PTPRT: variants seen among roughly 807,000 people sequenced by gnomAD.
The protein encoded by PTPRT is protein tyrosine phosphatase receptor type T, also known as receptor-type tyrosine-protein phosphatase T.
A neutral mutation model predicts 176.8 loss-of-function variants in PTPRT; 56 were observed. That is an observed-to-expected ratio of 0.32 (90% CI 0.26 to 0.40). PTPRT has a LOEUF of 0.40. Among genes scored for constraint, PTPRT ranks in the 10% least tolerant of loss-of-function variants. PTPRT has a pLI of 1.00. For missense variants in PTPRT, 1,540 were observed against 1,908.2 expected, an observed-to-expected ratio of 0.81 and a Z score of 3.60; for synonymous variants, 783 against 739.0, an observed-to-expected ratio of 1.06 and a Z score of -0.96.
chr20:43,141,569 C>T (rs186747232), intron 1 of PTPRT, among the ~76,000 whole-genome samples: 3 of 152,240 alleles, frequency 2.0e-5, no homozygotes, highest in Admixed American at 6.5e-5. Flanking sequence ...TTGGCCAAAA[C>T]GAGCCACGTG....
At chr20:42,785,362 T>A (rs752265451) in intron 3 of PTPRT, among the ~76,000 whole-genome samples, 3 of 152,208 alleles carry the variant, frequency 2.0e-5, no homozygotes, top group Non-Finnish European at 4.4e-5. Flanking sequence ...ACATAAACCA[T>A]CAGCTCCGAA....
At chr20:42,260,447 G>A (rs1436750436) in intron 13 of PTPRT, among the ~76,000 whole-genome samples, 1 of 152,246 alleles carries the variant, frequency 6.6e-6, no homozygotes, top group Non-Finnish European at 1.5e-5. Context: ...TAAGGGTTTA[G>A]TCTGAAGAAC....
At position 42,399,101 on chromosome 20, in the gene PTPRT, G is replaced by A. The variant is rs2058879431; in HGVS notation, c.1561-46816C>T. Among the ~76,000 whole-genome samples the A allele has an allele frequency of 6.6e-5, 10 of 152,342 alleles. 1 individual carries two copies. In the South Asian group the frequency reaches 1.9e-3, roughly 28 times the overall value. On this transcript the variant is annotated intron_variant, in intron 9 of 30. Coordinates refer to ENST00000373187, the MANE Select transcript of PTPRT (RefSeq NM_007050.6). ...AAGGCGTTTGAAAACCTCATTTCTA[G>A]ACTTGCACATCATCACTTCTACCAC...
intron 27 of PTPRT, among the ~76,000 whole-genome samples, chr20:42,090,953 T>C (rs1053647377): frequency 6.6e-6 from 1 of 152,232 alleles, no homozygotes. Flanking sequence ...TACTCTCTCC[T>C]ACCCTTTCTT....
At chr20:42,132,352 G>A (rs2146376976) in intron 18 of PTPRT, among the ~76,000 whole-genome samples, 1 of 152,274 alleles carries the variant, frequency 6.6e-6, no homozygotes, top group Non-Finnish European at 1.5e-5. Context: ...AAACATAGGT[G>A]TGAAAAGTGC....
intron 1 of PTPRT, chr20:42,968,831 C>T (rs1982455304): frequency 6.6e-6 from 1 of 152,288 alleles, no homozygotes; most frequent in African/African-American, 2.4e-5. Context: ...TCTGTCATCA[C>T]AAGCCTTCTG....
intron 12 of PTPRT, among the ~76,000 whole-genome samples, chr20:42,309,759 A>G (rs753010219): frequency 3.3e-5 from 5 of 152,204 alleles, no homozygotes; most frequent in Non-Finnish European, 2.9e-5. Context: ...GGTGTCTATT[A>G]TGTGTTAAAT....
At chr20:42,780,431 C>T in intron 3 of PTPRT, 132 bp from the exon 4 acceptor site, 1 of 623,352 alleles carries the variant, frequency 1.6e-6, no homozygotes, top group Non-Finnish European at 2.9e-6. Context: ...TCTGTTAAGA[C>T]AGCACGCTAC....
intron 7 of PTPRT, among the ~76,000 whole-genome samples, chr20:42,665,072 T>C (rs1282012556): frequency 6.6e-6 from 1 of 151,954 alleles, no homozygotes; most frequent in Admixed American, 6.6e-5. Context: ...CCAAAAGCAA[T>C]GGCAACAAAA....
At chr20:43,077,462 T>C (rs917016115) in intron 1 of PTPRT, among the ~76,000 whole-genome samples, 2 of 152,086 alleles carry the variant, frequency 1.3e-5, no homozygotes, top group African/African-American at 4.8e-5. Flanking sequence ...GCGGTGTGGA[T>C]CAAAATTTTG....
intron 1 of PTPRT, among the ~76,000 whole-genome samples, chr20:43,187,197 A>T (rs1017816114): frequency 5.2e-4 from 79 of 152,218 alleles, no homozygotes; most frequent in African/African-American, 1.8e-3. Context: ...TATGTTATGG[A>T]TGTAACCTTA....
chr20:42,200,692 A>C (rs1991413438), intron 15 of PTPRT, among the ~76,000 whole-genome samples: 1 of 152,216 alleles, frequency 6.6e-6, no homozygotes, highest in Non-Finnish European at 1.5e-5. Flanking sequence ...TATTTCGAAA[A>C]AGCGAACATG....
intron 7 of PTPRT, among the ~76,000 whole-genome samples, chr20:42,658,842 T>C (rs1483651095): frequency 6.6e-6 from 1 of 152,182 alleles, no homozygotes; most frequent in Non-Finnish European, 1.5e-5. Flanking sequence ...TTTATTGAAG[T>C]AAAAAGGTAC....
chr20:42,879,107 T>C (rs1466137664), intron 2 of PTPRT, among the ~76,000 whole-genome samples: 1 of 152,134 alleles, frequency 6.6e-6, no homozygotes, highest in Non-Finnish European at 1.5e-5. Context: ...AAAGGTAACC[T>C]GGGTAGGTGA....
intron 12 of PTPRT, among the ~76,000 whole-genome samples, chr20:42,297,813 A>C (rs2057409963): frequency 6.6e-6 from 1 of 152,202 alleles, no homozygotes; most frequent in Admixed American, 6.5e-5. Context: ...AACTAGACAG[A>C]CATTTGGGAA....
chr20:42,267,314 G>A (rs186716986), intron 13 of PTPRT, among the ~76,000 whole-genome samples: 4 of 152,286 alleles, frequency 2.6e-5, no homozygotes, highest in South Asian at 2.1e-4. Flanking sequence ...ATGATGTTCC[G>A]TAGGTTAATT....
chr20:43,022,041 C>A (rs1428335654), intron 1 of PTPRT, among the ~76,000 whole-genome samples: 2 of 152,218 alleles, frequency 1.3e-5, no homozygotes, highest in African/African-American at 4.8e-5. Flanking sequence ...CCACCCACAG[C>A]TTTCTCTTCC....
chr20:42,968,461 CA>C (rs532961759), intron 1 of PTPRT, among the ~76,000 whole-genome samples: 152 of 152,188 alleles, frequency 1.0e-3, no homozygotes, highest in African/African-American at 3.3e-3. Flanking sequence ...CACAAACTGG[CA>C]AAGTTCCAAA....
At chr20:42,756,252 T>C (rs774415302) in intron 6 of PTPRT, among the ~76,000 whole-genome samples, 13 of 152,234 alleles carry the variant, frequency 8.5e-5, no homozygotes, top group Non-Finnish European at 1.8e-4. Flanking sequence ...TATGTGAGAC[T>C]CAAGTTGGAA....
Sources: gnomAD v4.1 joint callset for allele counts (sites outside exome capture counted in the v4.1 genomes callset) on GRCh38, gnomAD v4.1.1 for gene constraint, MANE v1.5 for transcripts, NCBI Gene and HGNC (gene_info 2026-07-23, HGNC 2026-07-21) for gene names.